The following USH1C variants were observed in gnomAD, a reference collection of about 807,000 sequenced individuals.
USH1C encodes harmonin.
A neutral mutation model predicts 119.3 loss-of-function variants in USH1C; 90 were observed. The observed-to-expected ratio is 0.75, with a 90% CI of 0.64 to 0.90. USH1C has a LOEUF of 0.90. USH1C is among the 40% of genes least tolerant of loss of function. USH1C has a pLI of 0.00. For synonymous variants in USH1C, 465 were observed against 443.3 expected, an observed-to-expected ratio of 1.05 and a Z score of -0.62; for missense variants, 1,165 against 1,167.7, an observed-to-expected ratio of 1.00 and a Z score of 0.03.
intron 4 of USH1C, among the ~76,000 whole-genome samples, chr11:17,530,723 G>T (rs896084429): frequency 2.2e-4 from 33 of 152,344 alleles, no homozygotes; most frequent in African/African-American, 7.9e-4. Context: ...CTAATGAACA[G>T]CAAAGCCAGA....
intron 16 of USH1C, among the ~76,000 whole-genome samples, chr11:17,510,995 C>T (rs1184102295): frequency 3.3e-5 from 5 of 152,102 alleles, no homozygotes; most frequent in Non-Finnish European, 5.9e-5. Context: ...TCACATTTTC[C>T]AGGACTTCTC....
chr11:17,541,508 T>C (rs1336507380), intron 1 of USH1C, among the ~76,000 whole-genome samples: 1 of 152,220 alleles, frequency 6.6e-6, no homozygotes, highest in Non-Finnish European at 1.5e-5. Context: ...CATAAATGCA[T>C]GATTGCTGAA....
At chr11:17,494,468 C>T in intron 26 of USH1C, 92 bp from the exon 27 acceptor site, 1 of 1,434,708 alleles carries the variant, frequency 7.0e-7, no homozygotes, top group Non-Finnish European at 9.6e-7. Flanking sequence ...GGGGAGTACC[C>T]ACTCTGGCAG....
intron 19 of USH1C, 124 bp from the exon 20 acceptor site, chr11:17,504,821 T>A: frequency 1.0e-6 from 1 of 969,660 alleles, no homozygotes; most frequent in Non-Finnish European, 1.6e-6. Context: ...CCCCGAGCAG[T>A]CTGGCTTACG....
At chr11:17,524,341 G>A in intron 9 of USH1C, 110 bp downstream of exon 9, 2 of 1,192,446 alleles carry the variant, frequency 1.7e-6, no homozygotes, top group South Asian at 1.3e-5. Context: ...CTCCCTCAGT[G>A]TCCACTGAAA....
chr11:17,542,817 C>T (rs946225236), intron 1 of USH1C, among the ~76,000 whole-genome samples: 2 of 152,160 alleles, frequency 1.3e-5, no homozygotes, highest in Non-Finnish European at 2.9e-5. Context: ...AAATTTCTTC[C>T]GACATGTCTC....
At chr11:17,499,828 G>A (rs1002072060) in intron 23 of USH1C, among the ~76,000 whole-genome samples, 1 of 152,176 alleles carries the variant, frequency 6.6e-6, no homozygotes, top group African/African-American at 2.4e-5. Context: ...TCCCATCCCT[G>A]TTTCCTGCCC....
rs374829758 is a variant in USH1C, at chr11:17,531,505, G to C, written c.142C>G (p.Leu48Val). The C allele has an allele frequency of 1.5e-5, 24 of 1,613,766 alleles. No homozygotes were observed. The highest frequency in any genetic ancestry group is 1.9e-5 in the Non-Finnish European group (22 of 1,180,042). Residue 48 changes from leucine to valine, a missense_variant, in exon 3 of 27, where the codon CTG becomes GTG. Leu to Val is a conservative substitution (Grantham distance 32). Coordinates refer to ENST00000005226, the MANE Select transcript of USH1C (RefSeq NM_153676.4). This position sits in a 1 kb window ranked among gnomAD's most constrained non-coding sequence, Gnocchi z 4.2. ...DVAVLVGDLKLVINEPSRLPL... is the reference protein window; with the variant it reads ...DVAVLVGDLKVVINEPSRLPL... Reference sequence around the variant, plus strand: ...AGACGGCTGGGTTCATTGATGACCAGCTTCAGGTCTCCCACGAGCACGGCC... The same window carrying C: ...AGACGGCTGGGTTCATTGATGACCACCTTCAGGTCTCCCACGAGCACGGCC...
chr11:17,520,746 T>G, intron 14 of USH1C, 124 bp downstream of exon 14: 2 of 1,205,520 alleles, frequency 1.7e-6, no homozygotes, highest in South Asian at 2.4e-5. Flanking sequence ...CAGCTGCCCC[T>G]CCATGAAGGA....
At chr11:17,521,131 T>C in intron 13 of USH1C, 137 bp from the exon 14 acceptor site, 2 of 1,288,202 alleles carry the variant, frequency 1.6e-6, no homozygotes, top group Non-Finnish European at 2.2e-6. Flanking sequence ...GTCCCCGAGC[T>C]TGTATTCTAA....
chr11:17,495,979 C>T (rs1022602615), intron 25 of USH1C, among the ~76,000 whole-genome samples: 1 of 151,820 alleles, frequency 6.6e-6, no homozygotes, highest in African/African-American at 2.4e-5. Context: ...GGAGGTGAGA[C>T]ACCACACAGA....
At chr11:17,512,100 G>T in intron 15 of USH1C, 46 bp from the exon 16 acceptor site, 1 of 1,604,514 alleles carries the variant, frequency 6.2e-7, no homozygotes, top group Non-Finnish European at 8.5e-7. Flanking sequence ...TAGAAATAGT[G>T]TCGACAGCAC....
chr11:17,536,531 C>T lies in USH1C; in HGVS notation c.37-3209G>A, dbSNP rs1001673668. Among the ~76,000 whole-genome samples, 12 of 152,318 alleles carry T rather than the reference C, an allele frequency of 7.9e-5. No homozygotes were observed. In the South Asian group the frequency reaches 1.7e-3, roughly 21 times the overall value. Reference sequence around the variant, plus strand: ...GAAAGGAGCCTGTCCCTGAAGGTCCCGGGCTCCTGGCCCTTGTCAGCAGCC... The same window carrying T: ...GAAAGGAGCCTGTCCCTGAAGGTCCTGGGCTCCTGGCCCTTGTCAGCAGCC... On this transcript the variant is annotated intron_variant, in intron 1 of 26. Transcript: ENST00000005226.
At chr11:17,517,577 C>CATGGAGGAAGCTGAT in intron 14 of USH1C, 1 of 1,150,246 alleles carries the variant, frequency 8.7e-7, no homozygotes, top group Non-Finnish European at 1.3e-6. Context: ...AATCAGCTTC[C>CATGGAGGAAGCTGAT]TCCATGGGAG....
chr11:17,509,878 C>A, intron 17 of USH1C, 40 bp from the exon 18 acceptor site: 1 of 1,569,548 alleles, frequency 6.4e-7, no homozygotes, highest in Non-Finnish European at 8.6e-7. Flanking sequence ...TGTCACTCTG[C>A]TTAGAGCTCC....
At chr11:17,499,719 G>A (rs750145606) in intron 23 of USH1C, among the ~76,000 whole-genome samples, 2 of 152,240 alleles carry the variant, frequency 1.3e-5, no homozygotes, top group Non-Finnish European at 2.9e-5. Flanking sequence ...AAGTCACCAA[G>A]GTCATGGGTG....
At position 17,531,097 on chromosome 11, in the gene USH1C, G is replaced by C; in HGVS notation, c.387+57C>G. 1.2e-6 allele frequency: 2 copies of C among 1,611,770 alleles called. No individual in the cohort carries two copies. The highest frequency in any genetic ancestry group is 1.7e-6 in the Non-Finnish European group (2 of 1,179,462). Reference sequence around the variant, plus strand: ...CCACACAGCCTAGTGGATGAATGAGGGGGAGGCAGGAGGTCCGAGGCCCTC... The same window carrying C: ...CCACACAGCCTAGTGGATGAATGAGCGGGAGGCAGGAGGTCCGAGGCCCTC... On this transcript the variant is annotated intron_variant, in intron 4 of 26. Coordinates refer to ENST00000005226, the MANE Select transcript of USH1C (RefSeq NM_153676.4). This position sits in a 1 kb window ranked among gnomAD's most constrained non-coding sequence, Gnocchi z 4.2.
intron 1 of USH1C, among the ~76,000 whole-genome samples, chr11:17,539,087 C>T (rs970660719): frequency 6.6e-6 from 1 of 152,190 alleles, no homozygotes; most frequent in Admixed American, 6.5e-5. Context: ...ATGGTGGTAC[C>T]AGCAGTATTT....
intron 1 of USH1C, 165 bp from the exon 2 acceptor site, chr11:17,533,487 A>C: frequency 2.9e-6 from 2 of 683,970 alleles, no homozygotes; most frequent in Non-Finnish European, 2.7e-6. Flanking sequence ...TCTGACCCCA[A>C]TGCATCAGAC....
Sources: gnomAD v4.1 joint callset for allele counts (sites outside exome capture counted in the v4.1 genomes callset) on GRCh38, gnomAD v4.1.1 for gene constraint, Gnocchi (gnomAD v3.1) non-coding constraint, MANE v1.5 for transcripts, NCBI Gene and HGNC (gene_info 2026-07-23, HGNC 2026-07-21) for gene names.